CDKL5: variants seen among roughly 807,000 people sequenced by gnomAD.
CDKL5 encodes the protein cyclin-dependent kinase-like 5.
CDKL5 carries 8 observed loss-of-function variants against 61.7 expected under a neutral mutation model. That is an observed-to-expected ratio of 0.13 (90% CI 0.08 to 0.23). The LOEUF (loss-of-function observed/expected upper bound fraction) is 0.23, where lower values mean the gene tolerates loss of function less well. Among genes scored for constraint, CDKL5 ranks in the 10% least tolerant of loss-of-function variants. The pLI is 1.00. For synonymous variants in CDKL5, 275 were observed against 272.3 expected (o/e 1.01, Z -0.10); for missense variants, 440 against 734.5 (o/e 0.60, Z 4.63).
intron 1 of CDKL5, among the ~76,000 whole-genome samples, chrX:18,431,128 G>A (rs986357251): frequency 5.4e-5 from 6 of 110,908 alleles, no homozygotes; most frequent in Admixed American, 2.9e-4. Flanking sequence ...CTCCCAAAGT[G>A]TTGGGACTAC....
chrX:18,521,841 G>A (rs766526421), intron 3 of CDKL5, among the ~76,000 whole-genome samples: 1 of 112,079 alleles, frequency 8.9e-6, no homozygotes, highest in East Asian at 2.8e-4. Context: ...TTGAAAATCA[G>A]TTGGCCATAG....
At position 18,496,112 on chromosome X, in the gene CDKL5, T is replaced by TA. The variant is rs773888142; in HGVS notation, c.-162-10820dup. Reference sequence around the variant, plus strand: ...TAAAACCAAACTCTGTAAAATATTTTAAAGAGGTTTATTCTGAGCTAATGT... The same window carrying TA: ...TAAAACCAAACTCTGTAAAATATTTTAAAAGAGGTTTATTCTGAGCTAATGT... On this transcript the variant is annotated intron_variant, in intron 1 of 17. Transcript: ENST00000623535. Among the ~76,000 whole-genome samples the TA allele has an allele frequency of 4.3e-3, 485 of 112,406 alleles. 2 individuals carry two copies. The Middle Eastern group carries it at 0.046, about 11-fold the overall frequency.
chrX:18,609,440 T>G, intron 13 of CDKL5, 25 bp from the exon 14 acceptor site: 1 of 1,211,180 alleles, frequency 8.3e-7, no homozygotes, highest in Middle Eastern at 2.3e-4. Context: ...TGGCTTAACT[T>G]TTATAAATTT....
chrX:18,519,951 A>C (rs992161414), intron 3 of CDKL5, among the ~76,000 whole-genome samples: 3 of 111,707 alleles, frequency 2.7e-5, no homozygotes, highest in Non-Finnish European at 3.8e-5. Flanking sequence ...TTAACCATAA[A>C]AGTTAGAAGG....
intron 1 of CDKL5, among the ~76,000 whole-genome samples, chrX:18,462,060 A>T (rs1240113723): frequency 9.2e-6 from 1 of 108,389 alleles, no homozygotes; most frequent in Non-Finnish European, 1.9e-5. Context: ...CTTTCTTAAG[A>T]CATGAGATTT....
chrX:18,565,300 A>C (rs1476249314), intron 4 of CDKL5, among the ~76,000 whole-genome samples: 1 of 111,917 alleles, frequency 8.9e-6, no homozygotes, highest in Admixed American at 9.5e-5. Flanking sequence ...TTCATATCCT[A>C]ACCCAGTGTC....
At chrX:18,449,967 G>T (rs1289767314) in intron 1 of CDKL5, among the ~76,000 whole-genome samples, 1 of 111,436 alleles carries the variant, frequency 9.0e-6, no homozygotes, top group Non-Finnish European at 1.9e-5. Flanking sequence ...GCTAATTTTT[G>T]TATTTTTAGT....
At chrX:18,539,042 A>G (rs895491455) in intron 3 of CDKL5, among the ~76,000 whole-genome samples, 1 of 111,402 alleles carries the variant, frequency 9.0e-6, no homozygotes, top group African/African-American at 3.3e-5. Context: ...TCCTTTATTT[A>G]TTTTTAATGA....
rs879197719 is a variant in CDKL5 at position 18,436,580 on chromosome X, G to A, written c.-163+10885G>A. Among the ~76,000 whole-genome samples the A allele has an allele frequency of 6.3e-5, 7 of 110,786 alleles. No individual in the cohort carries two copies. The Admixed American group carries it at 6.8e-4, about 11-fold the overall frequency. On this transcript the variant is annotated intron_variant, in intron 1 of 17. Transcript: ENST00000623535. ...GATGAGGCAAGGTGAGAGAGCTGGG[G>A]TTTTTGCACAACAGAACCTTTTAAA...
intron 21 of CDKL5, among the ~76,000 whole-genome samples, chrX:18,652,399 T>G (rs891984263): frequency 6.2e-5 from 7 of 112,534 alleles, no homozygotes; most frequent in Non-Finnish European, 1.1e-4. Flanking sequence ...CTGGGTGCAG[T>G]GGCTCACGCC....
chrX:18,645,750 T>TATCCG (rs1871540611), intron 19 of CDKL5, among the ~76,000 whole-genome samples: 1 of 111,040 alleles, frequency 9.0e-6, no homozygotes, highest in African/African-American at 3.3e-5. Context: ...TTAAAATATT[T>TATCCG]ATCCGGCAGA....
At chrX:18,592,042 C>T (rs898503535) in intron 9 of CDKL5, among the ~76,000 whole-genome samples, 3 of 112,128 alleles carry the variant, frequency 2.7e-5, no homozygotes, top group African/African-American at 9.7e-5. Context: ...TATTTGACCT[C>T]AGGATTTTAA....
intron 3 of CDKL5, among the ~76,000 whole-genome samples, chrX:18,562,891 T>G (rs1924850889): frequency 8.9e-6 from 1 of 112,132 alleles, no homozygotes; most frequent in African/African-American, 3.2e-5. Flanking sequence ...AAATTGTGTT[T>G]ATGAGATGCC....
intron 4 of CDKL5, among the ~76,000 whole-genome samples, chrX:18,568,404 A>T (rs183979740): frequency 8.9e-6 from 1 of 112,581 alleles, no homozygotes; most frequent in East Asian, 2.8e-4. Flanking sequence ...AAAATTTCAT[A>T]GTAAATAAAA....
Position 18,639,292 on chromosome X carries a change from A to G in CDKL5, c.*10535A>G, listed in dbSNP as rs745979591. Among the ~76,000 whole-genome samples, 148 of 112,804 alleles carry G rather than the reference A, an allele frequency of 1.3e-3. No individual in the cohort carries two copies. The South Asian group carries it at 0.018, about 14-fold the overall frequency. On this transcript the variant is annotated 3_prime_UTR_variant, in exon 18 of 18. Coordinates refer to ENST00000623535, the MANE Select transcript of CDKL5 (RefSeq NM_001323289.2). Reference sequence around the variant, plus strand: ...TTTGCAAATCATATCCAATAAGGGAATTAGAATATACAAAGAATTCTTAAA... The same window carrying G: ...TTTGCAAATCATATCCAATAAGGGAGTTAGAATATACAAAGAATTCTTAAA...
intron 12 of CDKL5, among the ~76,000 whole-genome samples, chrX:18,608,164 A>G (rs1040271287): frequency 2.7e-5 from 3 of 111,399 alleles, no homozygotes; most frequent in African/African-American, 9.8e-5. Flanking sequence ...TCCTTGAGAG[A>G]GAAAGATAGT....
chrX:18,450,596 C>T (rs377218482), intron 1 of CDKL5, among the ~76,000 whole-genome samples: 27 of 110,540 alleles, frequency 2.4e-4, no homozygotes, highest in Admixed American at 1.2e-3. Context: ...TTTTTTGAGA[C>T]AGAGTTTTGC....
At chrX:18,447,669 C>T (rs6527851) in intron 1 of CDKL5, among the ~76,000 whole-genome samples, 20,821 of 109,741 alleles carry the variant, frequency 0.19, 4,368 homozygotes, top group African/African-American at 0.61. Flanking sequence ...TATTTCTTTC[C>T]CTCCCTCCTG....
intron 1 of CDKL5, among the ~76,000 whole-genome samples, chrX:18,503,127 G>A (rs896256440): frequency 5.3e-5 from 6 of 112,283 alleles, no homozygotes; most frequent in East Asian, 5.6e-4. Flanking sequence ...TTGAAAAGTC[G>A]TTTTGAATAT....
Sources: gnomAD v4.1 joint callset for allele counts (sites outside exome capture counted in the v4.1 genomes callset) on GRCh38, gnomAD v4.1.1 for gene constraint, MANE v1.5 for transcripts, NCBI Gene and HGNC (gene_info 2026-07-23, HGNC 2026-07-21) for gene names.